Variants in GRM7 observed in about 807,000 individuals in gnomAD.
GRM7 encodes metabotropic glutamate receptor 7.
GRM7 carries 35 observed loss-of-function variants against 84.5 expected under a neutral mutation model. The observed-to-expected ratio is 0.41, with a 90% CI of 0.32 to 0.55. The LOEUF (loss-of-function observed/expected upper bound fraction) is 0.55, where lower values mean the gene tolerates loss of function less well. GRM7 is among the 20% of genes least tolerant of loss of function. GRM7 has a pLI of 0.19. For synonymous variants in GRM7, 487 were observed against 455.1 expected (o/e 1.07, Z -0.89); for missense variants, 1,003 against 1,194.6 (o/e 0.84, Z 2.36).
chr3:7,500,278 A>G (rs1699843379), intron 7 of GRM7, among the ~76,000 whole-genome samples: 1 of 152,334 alleles, frequency 6.6e-6, no homozygotes, highest in Admixed American at 6.5e-5. Context: ...CATTCTATTC[A>G]TATATCAACC....
intron 2 of GRM7, among the ~76,000 whole-genome samples, chr3:7,179,362 G>A (rs1432402442): frequency 6.6e-6 from 1 of 152,190 alleles, no homozygotes; most frequent in Non-Finnish European, 1.5e-5. Context: ...ATATATGCAA[G>A]TGACTCTACT....
At chr3:7,624,799 G>C (rs1338870256) in intron 8 of GRM7, among the ~76,000 whole-genome samples, 3 of 152,094 alleles carry the variant, frequency 2.0e-5, no homozygotes. Context: ...CTGTTCCTCT[G>C]TGTCTTTTCA....
At chr3:7,018,963 G>T (rs981783968) in intron 1 of GRM7, among the ~76,000 whole-genome samples, 1 of 152,154 alleles carries the variant, frequency 6.6e-6, no homozygotes, top group Non-Finnish European at 1.5e-5. Flanking sequence ...CAGGCGTCAT[G>T]GCGCATGCCT....
At position 7,160,369 on chromosome 3, in the gene GRM7, G is replaced by A. The variant is rs148751645; in HGVS notation, c.736+13701G>A. On this transcript the variant is annotated intron_variant, in intron 2 of 9. Transcript: ENST00000357716. ...CTATAAAAAGTTTATGAACATGTCAGAGGAATGGATGAGTGATTTGTGAGG... is the reference window on the plus strand; with the variant it reads ...CTATAAAAAGTTTATGAACATGTCAAAGGAATGGATGAGTGATTTGTGAGG... Among the ~76,000 whole-genome samples, 1,466 of 152,272 alleles carry A rather than the reference G, an allele frequency of 9.6e-3. 17 individuals are homozygous for A. The highest frequency in any genetic ancestry group is 0.034 in the African/African-American group (1,403 of 41,546).
At chr3:7,662,540 T>G (rs774350812) in intron 8 of GRM7, among the ~76,000 whole-genome samples, 15 of 152,200 alleles carry the variant, frequency 9.9e-5, no homozygotes, top group Non-Finnish European at 1.9e-4. Context: ...ATGGAGAAAT[T>G]TGACTTTGTA....
At chr3:7,105,467 A>T (rs149067603) in intron 1 of GRM7, among the ~76,000 whole-genome samples, 196 of 151,954 alleles carry the variant, frequency 1.3e-3, no homozygotes, top group African/African-American at 4.4e-3. Flanking sequence ...ATCTTCATGA[A>T]TTTTGGCATT....
Position 6,958,934 on chromosome 3 carries a change from T to C in GRM7, c.519+97027T>C, listed in dbSNP as rs564855208. Among the ~76,000 whole-genome samples the C allele has an allele frequency of 1.1e-4, 17 of 152,244 alleles. No individual in the cohort carries two copies. The South Asian group carries it at 3.1e-3, about 28-fold the overall frequency. Reference sequence around the variant, plus strand: ...TACCACAGCAAAAAAAGTGAAAAGATTGAAAAACATAAAATTATAACTCAA... The same window carrying C: ...TACCACAGCAAAAAAAGTGAAAAGACTGAAAAACATAAAATTATAACTCAA... On this transcript the variant is annotated intron_variant, in intron 1 of 9. Coordinates refer to ENST00000357716, the MANE Select transcript of GRM7 (RefSeq NM_000844.4).
intron 3 of GRM7, among the ~76,000 whole-genome samples, chr3:7,303,474 A>C (rs1700080806): frequency 2.0e-5 from 3 of 152,036 alleles, no homozygotes; most frequent in African/African-American, 7.2e-5. Flanking sequence ...CTTATGTTAA[A>C]CAGAACTTAT....
At chr3:7,661,144 T>G (rs1699427291) in intron 8 of GRM7, among the ~76,000 whole-genome samples, 1 of 152,106 alleles carries the variant, frequency 6.6e-6, no homozygotes, top group Admixed American at 6.5e-5. Flanking sequence ...TTTCAAAAGA[T>G]AGTGTTAAGT....
chr3:7,709,757 A>G (rs1701517419), intron 9 of GRM7, among the ~76,000 whole-genome samples: 1 of 152,200 alleles, frequency 6.6e-6, no homozygotes, highest in East Asian at 1.9e-4. Context: ...GTTTGGAAGA[A>G]CTTGTGTTTC....
chr3:7,057,472 T>G (rs1176937181), intron 1 of GRM7, among the ~76,000 whole-genome samples: 1 of 151,962 alleles, frequency 6.6e-6, no homozygotes, highest in Non-Finnish European at 1.5e-5. Flanking sequence ...TAATAACGTT[T>G]TCCCTAAACA....
chr3:7,708,039 C>A (rs2125163648), intron 9 of GRM7, among the ~76,000 whole-genome samples: 1 of 147,416 alleles, frequency 6.8e-6, no homozygotes, highest in Non-Finnish European at 1.5e-5. Context: ...TTGGGAATAT[C>A]ATGGAACACT....
At chr3:6,967,195 T>A (rs1304689693) in intron 1 of GRM7, among the ~76,000 whole-genome samples, 2 of 152,136 alleles carry the variant, frequency 1.3e-5, no homozygotes, top group African/African-American at 4.8e-5. Context: ...TTTTATTTAT[T>A]TTTATTTTTT....
intron 8 of GRM7, among the ~76,000 whole-genome samples, chr3:7,615,990 T>TAC (rs1361939727): frequency 1.3e-5 from 2 of 152,122 alleles, no homozygotes; most frequent in Non-Finnish European, 1.5e-5. Flanking sequence ...GATAAGTAGA[T>TAC]ACATAGTGAT....
intron 5 of GRM7, among the ~76,000 whole-genome samples, chr3:7,437,368 A>G (rs895524105): frequency 1.3e-5 from 2 of 152,192 alleles, no homozygotes; most frequent in Non-Finnish European, 2.9e-5. Context: ...AGTCCTACTT[A>G]GCTTTCTACA....
chr3:7,025,345 G>A (rs754113214), intron 1 of GRM7, among the ~76,000 whole-genome samples: 1 of 152,172 alleles, frequency 6.6e-6, no homozygotes, highest in East Asian at 1.9e-4. Flanking sequence ...GCATTATTCT[G>A]TCCGCCAGGA....
intron 2 of GRM7, among the ~76,000 whole-genome samples, chr3:7,189,222 C>A (rs1695624459): frequency 6.6e-6 from 1 of 152,052 alleles, no homozygotes; most frequent in Non-Finnish European, 1.5e-5. Flanking sequence ...TACATATATG[C>A]ATATGTATAT....
intron 4 of GRM7, among the ~76,000 whole-genome samples, chr3:7,328,046 G>A (rs1224030869): frequency 6.6e-6 from 1 of 152,152 alleles, no homozygotes; most frequent in Non-Finnish European, 1.5e-5. Flanking sequence ...ATTGAACACA[G>A]GGCCCTCTAA....
chr3:7,055,477 C>CTG (rs148298277), intron 1 of GRM7, among the ~76,000 whole-genome samples: 5,469 of 143,618 alleles, frequency 0.038, 156 homozygotes, highest in African/African-American at 0.088. Context: ...TTTTATATAT[C>CTG]TGTGTGTGTG....
Sources: allele counts gnomAD v4.1 joint callset (sites outside exome capture counted in the v4.1 genomes callset), GRCh38; gene constraint gnomAD v4.1.1; transcripts MANE v1.5; gene names NCBI Gene and HGNC (gene_info 2026-07-23, HGNC 2026-07-21).